DPYD: variants seen among roughly 807,000 people sequenced by gnomAD.
DPYD encodes dihydropyrimidine dehydrogenase [NADP(+)].
Under a neutral mutation model 116.2 loss-of-function variants are expected in DPYD, and 109 were observed. The ratio of observed to expected loss-of-function variants is 0.94; its 90% CI spans 0.80 to 1.10. The LOEUF (loss-of-function observed/expected upper bound fraction) is 1.10, where lower values mean the gene tolerates loss of function less well. Among genes scored for constraint, DPYD ranks in the 50% least tolerant of loss-of-function variants. The pLI, the probability that DPYD is intolerant of heterozygous loss-of-function variation, is 0.00. For synonymous variants in DPYD, 440 were observed against 432.0 expected, an observed-to-expected ratio of 1.02 and a Z score of -0.23; for missense variants, 1,302 against 1,254.5, an observed-to-expected ratio of 1.04 and a Z score of -0.57.
At chr1:97,735,727 TAAAA>T (rs1348533259) in intron 4 of DPYD, among the ~76,000 whole-genome samples, 1 of 130,948 alleles carries the variant, frequency 7.6e-6, no homozygotes, top group Non-Finnish European at 1.7e-5. Context: ...AATAAATAAA[TAAAA>T]CAATAAAAGT....
At chr1:97,797,242 T>C (rs1459895256) in intron 3 of DPYD, 1 of 152,098 alleles carries the variant, frequency 6.6e-6, no homozygotes, top group Non-Finnish European at 1.5e-5. Context: ...TACACAAATA[T>C]ACATATGCTT....
intron 21 of DPYD, among the ~76,000 whole-genome samples, chr1:97,097,993 T>C (rs909761102): frequency 3.9e-5 from 6 of 152,172 alleles, no homozygotes; most frequent in Admixed American, 2.6e-4. Flanking sequence ...TCTATCTTAG[T>C]GTAATTTTTG....
intron 18 of DPYD, among the ~76,000 whole-genome samples, chr1:97,268,027 T>C (rs191794246): frequency 3.0e-4 from 46 of 152,196 alleles, no homozygotes; most frequent in African/African-American, 7.5e-4. Flanking sequence ...AAGCATAGGA[T>C]AGACATTCCC....
chr1:97,455,198 T>A (rs568936567), intron 13 of DPYD, among the ~76,000 whole-genome samples: 1 of 151,998 alleles, frequency 6.6e-6, no homozygotes, highest in East Asian at 1.9e-4. Context: ...TATATAATTA[T>A]AAAGAAGCTT....
At chr1:97,201,329 T>C (rs539144757) in intron 19 of DPYD, among the ~76,000 whole-genome samples, 5 of 152,224 alleles carry the variant, frequency 3.3e-5, no homozygotes, top group East Asian at 1.9e-4. Flanking sequence ...ACCTACTGAT[T>C]AAAAAAATCA....
chr1:97,187,428 TTTG>T (rs368167773), intron 20 of DPYD, among the ~76,000 whole-genome samples: 2 of 152,102 alleles, frequency 1.3e-5, no homozygotes, highest in East Asian at 1.9e-4. Flanking sequence ...GGGTTACTTG[TTTG>T]TTGTTGTTGT....
At chr1:97,410,762 TTAGATTTAACCA>T (rs1334304028) in intron 14 of DPYD, among the ~76,000 whole-genome samples, 14 of 152,156 alleles carry the variant, frequency 9.2e-5, no homozygotes, top group African/African-American at 3.4e-4. Flanking sequence ...AAAATTATTT[TTAGATTTAACCA>T]AAATGCTAGA....
intron 3 of DPYD, among the ~76,000 whole-genome samples, chr1:97,783,428 G>GCT (rs59875228): frequency 0.029 from 4,353 of 152,012 alleles, 205 homozygotes; most frequent in African/African-American, 0.096. Context: ...ACAGAGTCTT[G>GCT]CTGTCACTCA....
intron 12 of DPYD, among the ~76,000 whole-genome samples, chr1:97,520,841 T>C (rs1401714756): frequency 5.9e-5 from 9 of 152,206 alleles, no homozygotes. Context: ...TTCCATGGTA[T>C]ATATGAGCCA....
At chr1:97,677,962 C>T (rs908331883) in intron 8 of DPYD, among the ~76,000 whole-genome samples, 3 of 151,882 alleles carry the variant, frequency 2.0e-5, no homozygotes, top group African/African-American at 2.4e-5. Flanking sequence ...TGTGAACTGC[C>T]GAAGAGACAG....
At chr1:97,793,670 GA>G (rs1314002031) in intron 3 of DPYD, among the ~76,000 whole-genome samples, 1 of 151,204 alleles carries the variant, frequency 6.6e-6, no homozygotes, top group African/African-American at 2.4e-5. Flanking sequence ...AAAACAAAAC[GA>G]AAAAAAACTT....
intron 13 of DPYD, among the ~76,000 whole-genome samples, chr1:97,475,342 C>T (rs1677896058): frequency 6.6e-6 from 1 of 151,960 alleles, no homozygotes; most frequent in African/African-American, 2.4e-5. Context: ...TAGAAGAAAA[C>T]ATATGTTAAC....
At chr1:97,601,714 G>A (rs1655259082) in intron 8 of DPYD, among the ~76,000 whole-genome samples, 1 of 151,954 alleles carries the variant, frequency 6.6e-6, no homozygotes, top group African/African-American at 2.4e-5. Context: ...ATATTGATGA[G>A]AAAGAGAATA....
At chr1:97,141,593 C>T (rs1453297602) in intron 20 of DPYD, among the ~76,000 whole-genome samples, 3 of 152,154 alleles carry the variant, frequency 2.0e-5, no homozygotes, top group Non-Finnish European at 4.4e-5. Flanking sequence ...AGCTCCCTTG[C>T]CTTCTCCACC....
chr1:97,387,810 G>A (rs1672438714), intron 14 of DPYD, among the ~76,000 whole-genome samples: 2 of 152,090 alleles, frequency 1.3e-5, no homozygotes, highest in Admixed American at 1.3e-4. Context: ...ATTCATGAGA[G>A]GACAGGAATA....
intron 20 of DPYD, among the ~76,000 whole-genome samples, chr1:97,144,645 T>C (rs946799762): frequency 6.6e-6 from 1 of 152,196 alleles, no homozygotes; most frequent in African/African-American, 2.4e-5. Context: ...TGTTGGAATT[T>C]TTCTTGGGAT....
chr1:97,487,642 C>T lies in DPYD; in HGVS notation c.1740+28084G>A, dbSNP rs549162857. Among the ~76,000 whole-genome samples the T allele has an allele frequency of 2.4e-3, 362 of 152,252 alleles. 2 individuals are homozygous for T. Among genetic ancestry groups the T allele is most frequent in the African/African-American group, 8.3e-3 (345 of 41,544 alleles). Reference sequence around the variant, plus strand: ...GAGCTGAGATTGCACCACTGCACTCCAGCCTGGGCGACAGAGCGCGACTCT... The same window carrying T: ...GAGCTGAGATTGCACCACTGCACTCTAGCCTGGGCGACAGAGCGCGACTCT... On this transcript the variant is annotated intron_variant, in intron 13 of 22. Transcript: ENST00000370192.
At chr1:97,859,501 T>G (rs979685842) in intron 2 of DPYD, among the ~76,000 whole-genome samples, 3 of 152,124 alleles carry the variant, frequency 2.0e-5, no homozygotes, top group African/African-American at 7.2e-5. Flanking sequence ...TAAGTGAAAA[T>G]GCTATATAAA....
At chr1:97,092,663 A>G (rs186484152) in intron 21 of DPYD, among the ~76,000 whole-genome samples, 214 of 152,176 alleles carry the variant, frequency 1.4e-3, no homozygotes, top group African/African-American at 4.7e-3. Context: ...TCTCCTTTAT[A>G]TCCTCCAGCA....
Sources: allele counts gnomAD v4.1 joint callset (sites outside exome capture counted in the v4.1 genomes callset), GRCh38; gene constraint gnomAD v4.1.1; transcripts MANE v1.5; gene names NCBI Gene and HGNC (gene_info 2026-07-23, HGNC 2026-07-21).